The following RAD51 variants were observed in gnomAD, a reference collection of about 807,000 sequenced individuals.
The protein encoded by RAD51 is DNA repair protein RAD51 homolog 1.
In RAD51, 14 loss-of-function variants were observed where a neutral mutation model predicts 41.5. The ratio of observed to expected loss-of-function variants is 0.34; its 90% CI spans 0.22 to 0.53. RAD51 has a LOEUF of 0.53. RAD51 is among the 20% of genes least tolerant of loss of function. The probability of loss-of-function intolerance (pLI) is 0.95; values close to 1 mark genes in which losing one functional copy is unlikely to be tolerated. For synonymous variants in RAD51, 136 were observed against 148.6 expected, an observed-to-expected ratio of 0.92 and a Z score of 0.62; for missense variants, 234 against 422.0, an observed-to-expected ratio of 0.55 and a Z score of 3.90.
chr15:40,716,657 CTTTT>C (rs34860677), intron 5 of RAD51, among the ~76,000 whole-genome samples: 4 of 88,152 alleles, frequency 4.5e-5, no homozygotes, highest in Admixed American at 3.0e-4. Context: ...CTCTCTACTT[CTTTT>C]TTTTTTTTTT....
At chr15:40,712,581 G>A (rs1037798491) in intron 5 of RAD51, among the ~76,000 whole-genome samples, 2 of 152,118 alleles carry the variant, frequency 1.3e-5, no homozygotes, top group Admixed American at 6.5e-5. Flanking sequence ...CTGGCTTTAA[G>A]GATGTGCTGC....
At chr15:40,705,759 C>T (rs1332954873) in intron 3 of RAD51, among the ~76,000 whole-genome samples, 1 of 152,120 alleles carries the variant, frequency 6.6e-6, no homozygotes, top group East Asian at 1.9e-4. Flanking sequence ...CACCCGCCAC[C>T]ACGCCCGACT....
chr15:40,714,468 A>G (rs1182331176), intron 5 of RAD51, among the ~76,000 whole-genome samples: 1 of 152,188 alleles, frequency 6.6e-6, no homozygotes, highest in African/African-American at 2.4e-5. Flanking sequence ...TGACACTCCA[A>G]AGTTGTACAA....
At chr15:40,719,369 A>G (rs1011819861) in intron 6 of RAD51, among the ~76,000 whole-genome samples, 1 of 150,874 alleles carries the variant, frequency 6.6e-6, no homozygotes, top group East Asian at 2.0e-4. Flanking sequence ...AGAAAAAGGC[A>G]TTCTTTAGAG....
intron 1 of RAD51, among the ~76,000 whole-genome samples, chr15:40,697,574 C>CTCTTTTTTT (rs1223345504): frequency 9.5e-6 from 1 of 105,516 alleles, no homozygotes; most frequent in African/African-American, 3.8e-5. Flanking sequence ...GATGATATTT[C>CTCTTTTTTT]TTTTTTTTTT....
rs761892050 is a variant in RAD51, at chr15:40,729,640, T to C, written c.774+6T>C. 3 of 1,613,530 alleles carry C rather than the reference T, an allele frequency of 1.9e-6. No individual in the cohort carries two copies. The highest frequency in any genetic ancestry group is 1.7e-6 in the Non-Finnish European group (2 of 1,179,950). On this transcript the variant is annotated splice_donor_region_variant and intron_variant, in intron 8 of 9. Transcript: ENST00000267868. Reference sequence around the variant, plus strand: ...TTCTGCGACTCGCTGATGAGGTAAGTTGTGGGATAGGGACAGAGAATGCCT... The same window carrying C: ...TTCTGCGACTCGCTGATGAGGTAAGCTGTGGGATAGGGACAGAGAATGCCT...
In RAD51 at chr15:40,718,798, T is replaced by G; in HGVS notation, c.436-7T>G. On this transcript the variant is annotated splice_region_variant and splice_polypyrimidine_tract_variant and intron_variant, in intron 5 of 9. Coordinates refer to ENST00000267868, the MANE Select transcript of RAD51 (RefSeq NM_002875.5). ...TTCATTTCTACTGTTGTTTTTGTTC[T>G]CTATAGCTTCCCATTGACCGGGGTG... 6.3e-7 allele frequency: 1 copy of G among 1,598,124 alleles called. No individual in the cohort carries two copies. The highest frequency in any genetic ancestry group is 8.6e-7 in the Non-Finnish European group (1 of 1,165,564).
intron 1 of RAD51, among the ~76,000 whole-genome samples, chr15:40,697,001 T>C (rs1432733324): frequency 6.6e-6 from 1 of 152,244 alleles, no homozygotes; most frequent in African/African-American, 2.4e-5. Context: ...GTTATGTTTG[T>C]GCTAAATGTT....
chr15:40,706,297 G>A lies in RAD51; in HGVS notation c.343+3G>A, dbSNP rs1895334112. The A allele has an allele frequency of 2.5e-6, 4 of 1,590,864 alleles. No homozygotes were observed. Among genetic ancestry groups the A allele is most frequent in the African/African-American group, 1.3e-5 (1 of 74,550 alleles). On this transcript the variant is annotated splice_donor_region_variant and intron_variant, in intron 4 of 9. Transcript: ENST00000267868. ...AGAGCTTGACAAACTACTTCAAGGT[G>A]TAGTAATCCTTTATCCTGTGTTGTG...
At chr15:40,712,260 A>G (rs74927778) in intron 5 of RAD51, among the ~76,000 whole-genome samples, 194 of 152,228 alleles carry the variant, frequency 1.3e-3, no homozygotes, top group African/African-American at 4.5e-3. Context: ...CAGCCCAACA[A>G]TGTATTACAG....
intron 5 of RAD51, among the ~76,000 whole-genome samples, chr15:40,714,389 AT>A (rs1314355527): frequency 6.6e-6 from 1 of 152,238 alleles, no homozygotes; most frequent in Admixed American, 6.5e-5. Flanking sequence ...ACAGGGACTT[AT>A]GTAGAATAAG....
chr15:40,728,854 GTTC>G, intron 7 of RAD51, 30 bp downstream of exon 7: 1 of 1,541,902 alleles, frequency 6.5e-7, no homozygotes, highest in South Asian at 1.1e-5. Flanking sequence ...CACCAAATAT[GTTC>G]TTAAGAGTCC....
At position 40,724,670 on chromosome 15, in the gene RAD51, A is replaced by ATTTGTTTTT. The variant is rs757564729; in HGVS notation, c.531-4038_531-4037insGTTTTTTTT. ...ACCACCAAGCCCAGCTAATTTTTTT[A>ATTTGTTTTT]TTTCTTTTTTTTTTTTTTTTTTTTT... On this transcript the variant is annotated intron_variant, in intron 6 of 9. Coordinates refer to ENST00000267868, the MANE Select transcript of RAD51 (RefSeq NM_002875.5). Among the ~76,000 whole-genome samples, 10 of 72,062 alleles carry ATTTGTTTTT rather than the reference A, an allele frequency of 1.4e-4. 2 individuals carry two copies. The highest frequency in any genetic ancestry group is 1.6e-4 in the Admixed American group (1 of 6,170). 47.3% of individuals were successfully genotyped at this position (72,062 alleles called of 152,430 possible).
rs1321607563 is a variant in RAD51 at position 40,728,781 on chromosome 15, A to G, written c.601A>G (p.Thr201Ala). ...YARAFNTDHQ[T>A]QLLYQASAMM... ...TCGAGCGTTCAACACAGACCACCAG[A>G]CCCAGCTCCTTTATCAAGCATCAGC... The change falls in exon 7 of 10, where the codon ACC (threonine) becomes GCC (alanine). Residue 201 changes from threonine to alanine, a missense_variant. Around this residue, in one of 2 missense-constraint regions of RAD51, gnomAD observed 134 missense variants for 286.5 expected, o/e 0.47. Transcript: ENST00000267868. 2.5e-6 allele frequency: 4 copies of G among 1,614,070 alleles called. No homozygotes were observed. The highest frequency in any genetic ancestry group is 1.3e-5 in the African/African-American group (1 of 75,030).
intron 6 of RAD51, among the ~76,000 whole-genome samples, chr15:40,727,651 G>T (rs777307238): frequency 7.9e-5 from 12 of 151,886 alleles, no homozygotes; most frequent in Non-Finnish European, 1.0e-4. Context: ...TAGAAGACTT[G>T]TGCAGTAAAG....
At chr15:40,713,289 G>T (rs1376853607) in intron 5 of RAD51, among the ~76,000 whole-genome samples, 52 of 145,482 alleles carry the variant, frequency 3.6e-4, no homozygotes, top group African/African-American at 1.3e-3. Context: ...CTGTCGCCTA[G>T]GCAGGAGTGC....
intron 6 of RAD51, among the ~76,000 whole-genome samples, chr15:40,721,981 G>T (rs1567050365): frequency 6.6e-6 from 1 of 152,186 alleles, no homozygotes; most frequent in African/African-American, 2.4e-5. Context: ...TATCATTTTA[G>T]CCTTAAAAGG....
intron 2 of RAD51, among the ~76,000 whole-genome samples, chr15:40,699,328 A>T (rs188564657): frequency 1.3e-3 from 194 of 152,332 alleles, no homozygotes; most frequent in African/African-American, 4.5e-3. Flanking sequence ...TTTTTAGTAG[A>T]GACAGGGTTT....
At chr15:40,699,023 G>T in intron 2 of RAD51, among the ~76,000 whole-genome samples, 178 bp downstream of exon 2, 1 of 152,176 alleles carries the variant, frequency 6.6e-6, no homozygotes, top group Non-Finnish European at 1.5e-5. Context: ...AAATATGTCT[G>T]GCAGGGCCTC....
Sources: gnomAD v4.1 joint callset for allele counts (sites outside exome capture counted in the v4.1 genomes callset) on GRCh38, gnomAD v4.1.1 for gene constraint, gnomAD v4.1.1 regional missense constraint, MANE v1.5 for transcripts, NCBI Gene and HGNC (gene_info 2026-07-23, HGNC 2026-07-21) for gene names.